The following DGKZ variants were observed in gnomAD, a reference collection of about 807,000 sequenced individuals.
DGKZ encodes diacylglycerol kinase zeta, also known as DAG kinase zeta.
DGKZ carries 45 observed loss-of-function variants against 142.5 expected under a neutral mutation model. The observed-to-expected ratio is 0.32, with a 90% CI of 0.25 to 0.40. The LOEUF is 0.40. Ranked by LOEUF, DGKZ falls within the 10% of genes least tolerant of loss-of-function variation. The pLI, the probability that DGKZ is intolerant of heterozygous loss-of-function variation, is 1.00. For missense variants in DGKZ, 755 were observed against 1,306.5 expected (o/e 0.58, Z 6.51); for synonymous variants, 442 against 527.0 (o/e 0.84, Z 2.21).
chr11:46,375,145 T>C lies in DGKZ; in HGVS notation c.1710+100T>C, dbSNP rs1270372662. On this transcript the variant is annotated intron_variant, in intron 19 of 30. Transcript: ENST00000527911. ...TGGGCCACGGCGGCCTAGTTCACCCTCACCTCCCTTCTTTGTCTCATTCCT... is the reference window on the plus strand; with the variant it reads ...TGGGCCACGGCGGCCTAGTTCACCCCCACCTCCCTTCTTTGTCTCATTCCT... 3.6e-6 allele frequency: 4 copies of C among 1,116,202 alleles called. No homozygotes were observed. The East Asian group carries it at 1.0e-4, about 29-fold the overall frequency. 69.1% of individuals were successfully genotyped at this position (1,116,202 alleles called of 1,614,324 possible).
At chr11:46,359,770 A>ATTT (rs779825781) in intron 1 of DGKZ, among the ~76,000 whole-genome samples, 2 of 129,010 alleles carry the variant, frequency 1.6e-5, no homozygotes, top group Non-Finnish European at 1.6e-5. Flanking sequence ...TGCCCGGCTA[A>ATTT]TTTTTTTTTT....
intron 16 of DGKZ, 66 bp from the exon 17 acceptor site, chr11:46,374,538 G>A (rs1048829901): frequency 6.2e-7 from 1 of 1,610,674 alleles, no homozygotes; most frequent in Non-Finnish European, 8.5e-7. Flanking sequence ...GGCCCCAGGA[G>A]CCCTGCCGGG....
intron 9 of DGKZ, 52 bp downstream of exon 9, chr11:46,371,827 T>C: frequency 6.4e-7 from 1 of 1,572,686 alleles, no homozygotes. Context: ...GAGGGGTCTG[T>C]TGCTCAGGGT....
intron 1 of DGKZ, chr11:46,364,819 C>T (rs1383051937): frequency 1.0e-6 from 1 of 985,332 alleles, no homozygotes; most frequent in East Asian, 1.1e-4. Flanking sequence ...TAATGCCAGC[C>T]TTCAGGGGAC....
chr11:46,366,102 C>T (rs1170715050), intron 1 of DGKZ: 5 of 1,388,558 alleles, frequency 3.6e-6, no homozygotes, highest in Non-Finnish European at 4.6e-6. Context: ...GGGGTTGCTT[C>T]CCTTCTCATG....
chr11:46,347,561 G>A lies in DGKZ; in HGVS notation c.-99G>A. On this transcript the variant is annotated 5_prime_UTR_variant, in exon 1 of 31. It removes an upstream start codon present in the reference 5' UTR. Coordinates refer to ENST00000527911, the Ensembl canonical transcript of DGKZ. The surrounding 1 kb of genome is among the most constrained non-coding windows in gnomAD (Gnocchi z 6.4). The stretch of plus-strand genomic sequence containing the variant: ...GGCGGGCGGAGCGAGCGCGCGCCAT[G>A]GAGGTGGCGGGCGGCGCGGAGCGGG... The A allele has an allele frequency of 9.7e-7, 1 of 1,035,064 alleles. No homozygotes were observed. Among genetic ancestry groups the A allele is most frequent in the Non-Finnish European group, 1.2e-6 (1 of 863,352 alleles). 64.1% of individuals were successfully genotyped at this position (1,035,064 alleles called of 1,614,324 possible).
intron 1 of DGKZ, among the ~76,000 whole-genome samples, chr11:46,355,310 A>G (rs544912003): frequency 1.6e-4 from 24 of 151,376 alleles, no homozygotes; most frequent in Admixed American, 5.9e-4. Flanking sequence ...GGGTTTCGCC[A>G]TGTTAGCCAG....
intron 1 of DGKZ, among the ~76,000 whole-genome samples, chr11:46,353,709 A>G (rs2136415316): frequency 6.6e-6 from 1 of 152,284 alleles, no homozygotes; most frequent in South Asian, 2.1e-4. Flanking sequence ...CCAGTGCCTC[A>G]TGGTGAGAGG....
chr11:46,366,564 T>C, intron 1 of DGKZ: 1 of 1,604,732 alleles, frequency 6.2e-7, no homozygotes, highest in Non-Finnish European at 8.5e-7. Flanking sequence ...GGGGCCCAGC[T>C]TCTGGGTGCA....
chr11:46,365,473 A>G (rs1943142700), intron 1 of DGKZ: 19 of 985,254 alleles, frequency 1.9e-5, no homozygotes, highest in Non-Finnish European at 2.3e-5. Flanking sequence ...TTTTGGCCCA[A>G]GCCTATTGTC....
At chr11:46,376,646 T>C in intron 24 of DGKZ, 82 bp downstream of exon 24, 4 of 1,558,078 alleles carry the variant, frequency 2.6e-6, no homozygotes, top group Non-Finnish European at 3.5e-6. Context: ...CCCTGTTAGC[T>C]CCCCCGATGG....
chr11:46,345,471 GC>G, upstream of DGKZ: 2 of 1,503,710 alleles, frequency 1.3e-6, no homozygotes, highest in Admixed American at 2.4e-5. This position sits in a 1 kb window ranked among gnomAD's most constrained non-coding sequence, Gnocchi z 4.1. Flanking sequence ...TCAGCTCTGG[GC>G]CCAGTGGAGG....
chr11:46,379,035 C>G, exon 28 of DGKZ: 1 of 1,592,578 alleles, frequency 6.3e-7, no homozygotes, highest in Non-Finnish European at 8.5e-7. Flanking sequence ...TGCACCGAGA[C>G]GAGCAGAGTC....
rs1210123011 is a variant in DGKZ at position 46,367,069 on chromosome 11, T to C, written c.162-222T>C. The C allele has an allele frequency of 6.9e-7, 1 of 1,444,896 alleles. No individual in the cohort carries two copies. Among genetic ancestry groups the C allele is most frequent in the Admixed American group, 2.4e-5 (1 of 41,594 alleles). The allele number at this position is 1,444,896 out of a possible 1,614,324, so 89.5% of individuals were successfully genotyped here. On this transcript the variant is annotated intron_variant, in intron 1 of 30. Transcript: ENST00000527911. This position sits in a 1 kb window ranked among gnomAD's most constrained non-coding sequence, Gnocchi z 4.1. ...CATGGGCCTTGAAGCTCTGCCTGGC[T>C]GAGGGTTCCCCACTTGGGAACACTC...
intron 1 of DGKZ, among the ~76,000 whole-genome samples, chr11:46,360,558 T>C (rs1052179559): frequency 1.4e-5 from 2 of 147,490 alleles, no homozygotes; most frequent in Admixed American, 6.8e-5. Flanking sequence ...GAGGCCGAGG[T>C]GGGCGGATCA....
Position 46,372,193 on chromosome 11 carries a change from G to T in DGKZ, c.927+23G>T. 1 of 1,582,282 alleles carries T rather than the reference G, an allele frequency of 6.3e-7. No individual in the cohort carries two copies. Among genetic ancestry groups the T allele is most frequent in the Non-Finnish European group, 8.6e-7 (1 of 1,161,346 alleles). On this transcript the variant is annotated intron_variant, in intron 10 of 30. Coordinates refer to ENST00000527911, the Ensembl canonical transcript of DGKZ. This position sits in a 1 kb window ranked among gnomAD's most constrained non-coding sequence, Gnocchi z 5.9. ...CAGGTGAACGCGGCCTTGCCTCTCA[G>T]CTAAGGGCTCGGGCGGGGGTTGGGG...
At chr11:46,343,824 C>T (rs1305602672), upstream of DGKZ, among the ~76,000 whole-genome samples, 1 of 152,188 alleles carries the variant, frequency 6.6e-6, no homozygotes, top group East Asian at 1.9e-4. Context: ...ATAGCTCACG[C>T]TCCCCATTCA....
At chr11:46,377,167 C>G in exon 25 of DGKZ, 1 of 1,608,746 alleles carries the variant, frequency 6.2e-7, no homozygotes, top group Non-Finnish European at 8.5e-7. Flanking sequence ...GACCTCCCAA[C>G]CCCCACTTCC....
rs182557766 is a variant in DGKZ at position 46,352,780 on chromosome 11, C to T, written c.161+4960C>T. ...TTCCTGGGCCACCCCTGAGCGGTGC[C>T]AGGCACTCATTCCTTGCTCTTCTTG... On this transcript the variant is annotated intron_variant, in intron 1 of 30. Transcript: ENST00000527911. Among the ~76,000 whole-genome samples the T allele has an allele frequency of 6.0e-4, 91 of 152,362 alleles. No individual in the cohort carries two copies. The East Asian group carries it at 9.6e-3, about 16-fold the overall frequency.
Sources: gnomAD v4.1 joint callset for allele counts (sites outside exome capture counted in the v4.1 genomes callset) on GRCh38, gnomAD v4.1.1 for gene constraint, Gnocchi (gnomAD v3.1) non-coding constraint, MANE v1.5 for transcripts, NCBI Gene and HGNC (gene_info 2026-07-23, HGNC 2026-07-21) for gene names.